The following TACR3 variants were observed in gnomAD, a reference collection of about 807,000 sequenced individuals.
TACR3 encodes the protein neuromedin-K receptor.
A neutral mutation model predicts 35.0 loss-of-function variants in TACR3; 34 were observed. The ratio of observed to expected loss-of-function variants is 0.97; its 90% CI spans 0.74 to 1.30. TACR3 has a LOEUF of 1.30. TACR3 is among the 50% of genes most tolerant of loss of function. The pLI is 0.00. For synonymous variants in TACR3, 233 were observed against 221.1 expected, an observed-to-expected ratio of 1.05 and a Z score of -0.48; for missense variants, 558 against 591.7, an observed-to-expected ratio of 0.94 and a Z score of 0.59.
Position 103,589,778 on chromosome 4 carries a change from TG to T in TACR3, c.1301del (p.Pro434GlnfsTer21), listed in dbSNP as rs1723852608. 1 of 1,613,948 alleles carries T rather than the reference TG, an allele frequency of 6.2e-7. No individual in the cohort carries two copies. On this transcript the variant is annotated frameshift_variant, in exon 5 of 5. Coordinates refer to ENST00000304883, the MANE Select transcript of TACR3 (RefSeq NM_001059.3). LOFTEE classifies it high-confidence loss of function. ...SRKKRATPRDPSFNGCSRRNS... is the reference protein window; with the variant it reads ...SRKKRATPRDXSFNGCSRRNS... ...TCCTGCGAGAGCAGCCATTGAAACT[TG>T]GGTCTCTTGGCGTTGCTCTTTTCTT...
intron 3 of TACR3, among the ~76,000 whole-genome samples, chr4:103,614,884 GTTTTTTT>G (rs71580414): frequency 0.013 from 903 of 71,918 alleles, 8 homozygotes; most frequent in African/African-American, 0.045. Flanking sequence ...TTATGAATGT[GTTTTTTT>G]TTTTTTTTTT....
At chr4:103,698,472 T>A (rs1465445601) in intron 1 of TACR3, among the ~76,000 whole-genome samples, 2 of 152,122 alleles carry the variant, frequency 1.3e-5, no homozygotes, top group Non-Finnish European at 2.9e-5. Context: ...CATGAGATTA[T>A]ATAGAGTATT....
intron 1 of TACR3, among the ~76,000 whole-genome samples, chr4:103,706,879 T>C (rs908377637): frequency 6.6e-6 from 1 of 152,172 alleles, no homozygotes; most frequent in Admixed American, 6.5e-5. Context: ...TATTACAACT[T>C]TGAGTTATCT....
chr4:103,693,416 C>A (rs1722447717), intron 1 of TACR3, among the ~76,000 whole-genome samples: 1 of 152,112 alleles, frequency 6.6e-6, no homozygotes, highest in Admixed American at 6.6e-5. Context: ...AAAATAATTT[C>A]TCAAATGGTT....
At chr4:103,635,501 GC>G (rs1187961379) in intron 3 of TACR3, among the ~76,000 whole-genome samples, 4 of 151,926 alleles carry the variant, frequency 2.6e-5, no homozygotes, top group Admixed American at 2.6e-4. Context: ...ATTCTTCTAA[GC>G]CTTCCCATGC....
intron 1 of TACR3, among the ~76,000 whole-genome samples, chr4:103,711,141 A>G (rs1722947084): frequency 6.6e-6 from 1 of 152,214 alleles, no homozygotes; most frequent in Non-Finnish European, 1.5e-5. Context: ...AACTCATTTT[A>G]TGAGGCCAGC....
chr4:103,682,232 A>C (rs1722115969), intron 1 of TACR3, among the ~76,000 whole-genome samples: 1 of 152,126 alleles, frequency 6.6e-6, no homozygotes, highest in South Asian at 2.1e-4. Flanking sequence ...CCTAGGCTCA[A>C]GTGATCCTTC....
chr4:103,694,017 T>TA (rs1722467923), intron 1 of TACR3, among the ~76,000 whole-genome samples: 1 of 152,162 alleles, frequency 6.6e-6, no homozygotes, highest in Non-Finnish European at 1.5e-5. Flanking sequence ...TCTTTGTAAT[T>TA]ATCTCATATT....
At chr4:103,691,156 A>G (rs74285065) in intron 1 of TACR3, among the ~76,000 whole-genome samples, 18,050 of 152,180 alleles carry the variant, frequency 0.12, 1,479 homozygotes, top group East Asian at 0.43. Context: ...CAAAAAACCC[A>G]TACATGAACA....
chr4:103,680,536 C>CAT (rs1045972049), intron 1 of TACR3, among the ~76,000 whole-genome samples: 1 of 147,366 alleles, frequency 6.8e-6, no homozygotes, highest in African/African-American at 2.5e-5. Flanking sequence ...CATATATATA[C>CAT]ATATATATAC....
rs1371596321 is a variant in TACR3, at chr4:103,638,887, G to C, written c.888+17307C>G. Among the ~76,000 whole-genome samples the C allele has an allele frequency of 2.0e-5, 3 of 152,122 alleles. 1 individual carries two copies. The highest frequency in any genetic ancestry group is 7.2e-5 in the African/African-American group (3 of 41,414). On this transcript the variant is annotated intron_variant, in intron 3 of 4. Transcript: ENST00000304883. ...GAGAAATGCAACTCAAAACCACAAT[G>C]AGATACCATCTCACACCAGTTAGAA...
chr4:103,643,180 C>T (rs1389896960), intron 3 of TACR3, among the ~76,000 whole-genome samples: 1 of 151,766 alleles, frequency 6.6e-6, no homozygotes, highest in African/African-American at 2.4e-5. Context: ...ACTTACATAA[C>T]TAGAATAAAA....
chr4:103,614,901 T>G (rs1209561999), intron 3 of TACR3, among the ~76,000 whole-genome samples: 1 of 130,064 alleles, frequency 7.7e-6, no homozygotes, highest in Non-Finnish European at 1.7e-5. Flanking sequence ...TTTTTTTTTT[T>G]TTTTTTTTTT....
chr4:103,694,245 G>A (rs1173849283), intron 1 of TACR3, among the ~76,000 whole-genome samples: 9 of 147,986 alleles, frequency 6.1e-5, no homozygotes, highest in Admixed American at 6.0e-4. Context: ...CTGTATGCTT[G>A]TGAAGCTTAC....
Position 103,654,437 on chromosome 4 carries a change from A to G in TACR3, c.888+1757T>C, listed in dbSNP as rs569822647. On this transcript the variant is annotated intron_variant, in intron 3 of 4. Coordinates refer to ENST00000304883, the MANE Select transcript of TACR3 (RefSeq NM_001059.3). ...CTGGAAACATCATTCTCAGCAAACTATTGCAAGGACAAAAATCCACACACC... is the reference window on the plus strand; with the variant it reads ...CTGGAAACATCATTCTCAGCAAACTGTTGCAAGGACAAAAATCCACACACC... 2.7e-4 allele frequency among the ~76,000 whole-genome samples: 40 copies of G among 149,852 alleles called. 1 individual carries two copies. In the South Asian group the frequency reaches 8.5e-3, roughly 32 times the overall value.
chr4:103,674,306 T>C (rs1167736259), intron 1 of TACR3, among the ~76,000 whole-genome samples: 3 of 150,856 alleles, frequency 2.0e-5, no homozygotes, highest in Non-Finnish European at 4.4e-5. Context: ...AGTGCTATTA[T>C]GTTTTTCTGT....
intron 1 of TACR3, among the ~76,000 whole-genome samples, chr4:103,661,054 C>T (rs2053735599): frequency 6.6e-6 from 1 of 151,826 alleles, no homozygotes; most frequent in Non-Finnish European, 1.5e-5. Context: ...GAATTTTAAG[C>T]CAGTTTTGCC....
chr4:103,713,399 A>G (rs1723015685), intron 1 of TACR3, among the ~76,000 whole-genome samples: 1 of 145,446 alleles, frequency 6.9e-6, no homozygotes, highest in South Asian at 2.2e-4. Flanking sequence ...GCATGTTCTC[A>G]CTCATAGGTG....
At chr4:103,633,524 A>G (rs530063856) in intron 3 of TACR3, among the ~76,000 whole-genome samples, 11 of 152,060 alleles carry the variant, frequency 7.2e-5, no homozygotes, top group Admixed American at 2.6e-4. Flanking sequence ...CCCAAGCAGT[A>G]TACACTGCAC....
Sources: gnomAD v4.1 joint callset for allele counts (sites outside exome capture counted in the v4.1 genomes callset) on GRCh38, gnomAD v4.1.1 for gene constraint, MANE v1.5 for transcripts, NCBI Gene and HGNC (gene_info 2026-07-23, HGNC 2026-07-21) for gene names.